Variants in PPP2CB observed in about 807,000 individuals in gnomAD.
The protein encoded by PPP2CB is serine/threonine-protein phosphatase 2A catalytic subunit beta isoform.
In PPP2CB, 18 loss-of-function variants were observed where a neutral mutation model predicts 39.1. The observed-to-expected ratio is 0.46, with a 90% CI of 0.32 to 0.68. The LOEUF (loss-of-function observed/expected upper bound fraction) is 0.68. Ranked by LOEUF, PPP2CB falls within the 30% of genes least tolerant of loss-of-function variation. The pLI is 0.04. For synonymous variants in PPP2CB, 129 were observed against 133.8 expected, an observed-to-expected ratio of 0.96 and a Z score of 0.25; for missense variants, 226 against 396.9, an observed-to-expected ratio of 0.57 and a Z score of 3.66.
intron 1 of PPP2CB, among the ~76,000 whole-genome samples, 170 bp downstream of exon 1, chr8:30,812,150 G>A (rs958954675): frequency 5.9e-5 from 9 of 152,088 alleles, no homozygotes; most frequent in African/African-American, 1.9e-4. Context: ...AACGCCCCGG[G>A]CCCTGAACCG....
Position 30,790,354 on chromosome 8 carries a change from C to T in PPP2CB, c.857+843G>A, listed in dbSNP as rs1357766125. The stretch of plus-strand genomic sequence containing the variant: ...TTTTTCCCTGGTGCTATTTGTTGAA[C>T]AACATGTTGCTCTGCTCTTTTGTAT... On this transcript the variant is annotated intron_variant, in intron 6 of 6. Coordinates refer to ENST00000221138, the MANE Select transcript of PPP2CB (RefSeq NM_001009552.2). Among the ~76,000 whole-genome samples the T allele has an allele frequency of 3.3e-5, 5 of 152,284 alleles. No individual in the cohort carries two copies. The East Asian group carries it at 7.7e-4, about 24-fold the overall frequency.
At chr8:30,812,263 A>G in intron 1 of PPP2CB, 57 bp downstream of exon 1, 1 of 1,317,526 alleles carries the variant, frequency 7.6e-7, no homozygotes, top group Non-Finnish European at 1.0e-6. Context: ...GGCGGGCAGG[A>G]AAGCGGCGGC....
chr8:30,812,452 C>T lies in PPP2CB; in HGVS notation c.-31G>A. 6.9e-7 allele frequency: 1 copy of T among 1,451,050 alleles called. No homozygotes were observed. The highest frequency in any genetic ancestry group is 9.2e-7 in the Non-Finnish European group (1 of 1,091,674). 89.9% of individuals were successfully genotyped at this position (1,451,050 alleles called of 1,614,324 possible). ...CCCGATCCCGATGCGGATCCCGAGC[C>T]CCAGCCCGGCCGCCGCCCTCCCCCC... On this transcript the variant is annotated 5_prime_UTR_variant, in exon 1 of 7. Transcript: ENST00000221138.
Position 30,792,501 on chromosome 8 carries a change from C to T in PPP2CB, c.739-1186G>A, listed in dbSNP as rs6468459. Among the ~76,000 whole-genome samples the T allele has an allele frequency of 9.2e-5, 14 of 152,048 alleles. No individual in the cohort carries two copies. In the East Asian group the frequency reaches 1.2e-3, roughly 13 times the overall value. ...CCCTTTTGCCCAGGCTGGAGTGCAG[C>T]GGTACGATCATAGCTCACTGCAGCC... On this transcript the variant is annotated intron_variant, in intron 5 of 6. Transcript: ENST00000221138.
chr8:30,801,698 G>A (rs1036763836), intron 1 of PPP2CB, among the ~76,000 whole-genome samples: 31 of 152,160 alleles, frequency 2.0e-4, no homozygotes, highest in Admixed American at 3.3e-4. Flanking sequence ...GAGTTTCACT[G>A]TATTTCCTGC....
chr8:30,789,114 G>A (rs1027998060), intron 6 of PPP2CB, among the ~76,000 whole-genome samples: 5 of 149,144 alleles, frequency 3.4e-5, no homozygotes, highest in South Asian at 2.1e-4. Context: ...CGTGATCGCC[G>A]CCGCCTCCCA....
At position 30,797,580 on chromosome 8, in the gene PPP2CB, C is replaced by T. The variant is rs1563215666; in HGVS notation, c.486+1G>A. 1.9e-6 allele frequency: 3 copies of T among 1,610,402 alleles called. No individual in the cohort carries two copies. Among genetic ancestry groups the T allele is most frequent in the East Asian group, 4.5e-5 (2 of 44,804 alleles). ...CAAGATGTAAGCACACATATACATA[C>T]CTGTCCATCTACTAAAGCTGTAAGT... On this transcript the variant is annotated splice_donor_variant, in intron 3 of 6. Coordinates refer to ENST00000221138, the MANE Select transcript of PPP2CB (RefSeq NM_001009552.2). LOFTEE classifies it high-confidence loss of function.
chr8:30,795,737 G>A (rs79904736), intron 3 of PPP2CB, among the ~76,000 whole-genome samples: 89 of 152,170 alleles, frequency 5.8e-4, no homozygotes, highest in African/African-American at 2.0e-3. Context: ...TACTTATATT[G>A]GACGAATTTC....
At chr8:30,806,846 TTATC>T (rs1420976345) in intron 1 of PPP2CB, among the ~76,000 whole-genome samples, 2 of 152,224 alleles carry the variant, frequency 1.3e-5, no homozygotes, top group African/African-American at 4.8e-5. Flanking sequence ...TATCTTCACT[TTATC>T]TACTTAGGTA....
chr8:30,809,394 T>C (rs1554484858), intron 1 of PPP2CB, among the ~76,000 whole-genome samples: 1 of 151,998 alleles, frequency 6.6e-6, no homozygotes, highest in Non-Finnish European at 1.5e-5. Context: ...GGTAGGGATA[T>C]AAAACGGAAC....
At chr8:30,804,839 CAAA>C (rs1806691831) in intron 1 of PPP2CB, among the ~76,000 whole-genome samples, 1 of 151,958 alleles carries the variant, frequency 6.6e-6, no homozygotes, top group African/African-American at 2.4e-5. Context: ...TTTTTAATTA[CAAA>C]AGTAAACCAC....
chr8:30,791,909 T>C (rs1181024827), intron 5 of PPP2CB, among the ~76,000 whole-genome samples: 2 of 151,882 alleles, frequency 1.3e-5, no homozygotes, highest in East Asian at 1.9e-4. Context: ...TATACATGTG[T>C]ATATACATAC....
chr8:30,795,119 A>ATTTTTT (rs893547625), intron 3 of PPP2CB, among the ~76,000 whole-genome samples: 14 of 127,454 alleles, frequency 1.1e-4, no homozygotes, highest in South Asian at 2.5e-4. Context: ...TCTGATTTTG[A>ATTTTTT]TTTTTTTTTT....
At chr8:30,787,224 G>A (rs556386743) in intron 6 of PPP2CB, among the ~76,000 whole-genome samples, 1 of 152,172 alleles carries the variant, frequency 6.6e-6, no homozygotes, top group Non-Finnish European at 1.5e-5. Flanking sequence ...AACAAATGCT[G>A]GTCTGTTTTT....
At chr8:30,789,384 T>A (rs1340263599) in intron 6 of PPP2CB, among the ~76,000 whole-genome samples, 1 of 152,180 alleles carries the variant, frequency 6.6e-6, no homozygotes, top group African/African-American at 2.4e-5. Flanking sequence ...TGTCTCTGGG[T>A]AGGCATAAGC....
At chr8:30,803,940 A>G (rs1451365163) in intron 1 of PPP2CB, among the ~76,000 whole-genome samples, 1 of 151,702 alleles carries the variant, frequency 6.6e-6, no homozygotes, top group Non-Finnish European at 1.5e-5. Flanking sequence ...CTCCTGCCTT[A>G]GCCTCCCAAG....
chr8:30,808,515 T>A (rs1445224852), intron 1 of PPP2CB, among the ~76,000 whole-genome samples: 2 of 152,172 alleles, frequency 1.3e-5, no homozygotes, highest in Admixed American at 6.5e-5. Flanking sequence ...AAGGTATTTT[T>A]AAAAAACCCA....
intron 6 of PPP2CB, among the ~76,000 whole-genome samples, chr8:30,787,761 G>A (rs1234197241): frequency 3.9e-5 from 6 of 152,122 alleles, no homozygotes; most frequent in Non-Finnish European, 1.5e-5. Flanking sequence ...TAGGGACAAG[G>A]TCCTGCTATG....
intron 2 of PPP2CB, 119 bp downstream of exon 2, chr8:30,799,424 AATT>A: frequency 1.3e-6 from 1 of 771,362 alleles, no homozygotes; most frequent in Non-Finnish European, 2.1e-6. Flanking sequence ...ATGTAAAACC[AATT>A]ATTATTTTAA....
Sources: gnomAD v4.1 joint callset for allele counts (sites outside exome capture counted in the v4.1 genomes callset) on GRCh38, gnomAD v4.1.1 for gene constraint, MANE v1.5 for transcripts, NCBI Gene and HGNC (gene_info 2026-07-23, HGNC 2026-07-21) for gene names.